The following SLC36A1 variants were observed in gnomAD, a reference collection of about 807,000 sequenced individuals.
SLC36A1 encodes the protein proton-coupled amino acid transporter 1.
In SLC36A1, 30 loss-of-function variants were observed where a neutral mutation model predicts 47.5. The ratio of observed to expected loss-of-function variants is 0.63; its 90% CI spans 0.47 to 0.86. SLC36A1 has a LOEUF of 0.86. Ranked by LOEUF, SLC36A1 falls within the 40% of genes least tolerant of loss-of-function variation. The pLI is 0.00. For synonymous variants in SLC36A1, 255 were observed against 249.7 expected (o/e 1.02, Z -0.20); for missense variants, 517 against 606.0 (o/e 0.85, Z 1.54).
At chr5:151,462,696 CAG>C in intron 2 of SLC36A1, among the ~76,000 whole-genome samples, 1 of 151,188 alleles carries the variant, frequency 6.6e-6, no homozygotes, top group South Asian at 2.1e-4. Flanking sequence ...CTAAATGTAT[CAG>C]GGACTTCTGG....
chr5:151,387,224 T>G, the SLC36A1 span: 3 of 152,280 alleles, frequency 2.0e-5, no homozygotes, highest in African/African-American at 7.2e-5. Context: ...CTCAACAGAC[T>G]GGTACAACCT....
chr5:151,428,425 T>C, the SLC36A1 span, among the ~76,000 whole-genome samples: 24 of 152,004 alleles, frequency 1.6e-4, no homozygotes, highest in African/African-American at 5.6e-4. Flanking sequence ...CCCAACTCAT[T>C]CCCCTGGCTG....
At chr5:151,397,838 C>T in the SLC36A1 span, among the ~76,000 whole-genome samples, 13 of 150,576 alleles carry the variant, frequency 8.6e-5, no homozygotes, top group Admixed American at 1.3e-4. Flanking sequence ...TACATGTGGC[C>T]GGGCACAGTG....
downstream of SLC36A1, among the ~76,000 whole-genome samples, chr5:151,494,564 G>C (rs1760286007): frequency 6.6e-6 from 1 of 152,156 alleles, no homozygotes; most frequent in Non-Finnish European, 1.5e-5. Flanking sequence ...GTAGCCCTTT[G>C]TGTCTGGTTT....
chr5:151,382,160 GGCTTTGGT>G, the SLC36A1 span: 1 of 971,566 alleles, frequency 1.0e-6, no homozygotes, highest in Non-Finnish European at 1.7e-6. Context: ...CTGAATTGAA[GGCTTTGGT>G]GTGCATGGCA....
At chr5:151,392,021 C>A in the SLC36A1 span, among the ~76,000 whole-genome samples, 6 of 152,148 alleles carry the variant, frequency 3.9e-5, no homozygotes, top group Non-Finnish European at 8.8e-5. Flanking sequence ...AGCTGTGAAT[C>A]GGTCTGGTCC....
the SLC36A1 span, among the ~76,000 whole-genome samples, chr5:151,347,081 G>A: frequency 6.6e-6 from 1 of 152,192 alleles, no homozygotes; most frequent in African/African-American, 2.4e-5. Context: ...TTCCCCACCT[G>A]TGCCTTTTGG....
At chr5:151,379,038 G>C in the SLC36A1 span, among the ~76,000 whole-genome samples, 6 of 152,196 alleles carry the variant, frequency 3.9e-5, no homozygotes, top group African/African-American at 1.2e-4. Context: ...CAAAGCCCAA[G>C]CCCTGGAAAT....
the SLC36A1 span, among the ~76,000 whole-genome samples, chr5:151,401,189 T>G: frequency 6.6e-6 from 1 of 152,214 alleles, no homozygotes; most frequent in African/African-American, 2.4e-5. Context: ...TGGAGTTAAT[T>G]TTTGTATATA....
the SLC36A1 span, chr5:151,545,726 C>A: frequency 3.1e-6 from 5 of 1,614,024 alleles, no homozygotes; most frequent in Non-Finnish European, 4.2e-6. Context: ...ATTTTATAGA[C>A]CAACAAGGAA....
the SLC36A1 span, among the ~76,000 whole-genome samples, chr5:151,420,885 T>C: frequency 6.6e-6 from 1 of 151,804 alleles, no homozygotes; most frequent in Admixed American, 6.6e-5. Flanking sequence ...TTTCTTTTTT[T>C]TTTTTGACAG....
chr5:151,487,153 C>T (rs1759673224), intron 10 of SLC36A1, among the ~76,000 whole-genome samples: 1 of 152,220 alleles, frequency 6.6e-6, no homozygotes, highest in Admixed American at 6.5e-5. Flanking sequence ...GAAACACTGG[C>T]CTTTGCCCAC....
At chr5:151,539,716 A>T in the SLC36A1 span, among the ~76,000 whole-genome samples, 13 of 152,338 alleles carry the variant, frequency 8.5e-5, no homozygotes, top group South Asian at 1.4e-3. Context: ...ACTGTGTTTT[A>T]AAAAATATGT....
the SLC36A1 span, chr5:151,505,845 G>C: frequency 1.2e-6 from 2 of 1,612,486 alleles, no homozygotes. Context: ...CCGGGGACTA[G>C]GGGGCCGAGA....
chr5:151,552,961 G>A, the SLC36A1 span, among the ~76,000 whole-genome samples: 776 of 152,334 alleles, frequency 5.1e-3, 7 homozygotes, highest in African/African-American at 0.018. Flanking sequence ...GTTAGAGATC[G>A]TGGCTGGAGT....
the SLC36A1 span, among the ~76,000 whole-genome samples, chr5:151,389,757 CATAGTATGCCATGGTGT>C: frequency 6.6e-6 from 1 of 151,930 alleles, no homozygotes; most frequent in African/African-American, 2.4e-5. Flanking sequence ...TTTATGGCTG[CATAGTATGCCATGGTGT>C]ATATGTGCCA....
the SLC36A1 span, chr5:151,542,933 G>T: frequency 1.9e-6 from 3 of 1,614,198 alleles, no homozygotes; most frequent in Non-Finnish European, 2.5e-6. Flanking sequence ...TTGCTCTCAG[G>T]TGTAGTGCCC....
rs1756426607 is a variant in SLC36A1 at position 151,466,653 on chromosome 5, A to G, written c.420-546A>G. ...TGGTTGGTTCTTATATCCAAGTTAT[A>G]GAGACAGTGAAGGGGACTATTTCCT... is the stretch of plus-strand genomic sequence containing the variant. On this transcript the variant is annotated intron_variant, in intron 5 of 10. Transcript: ENST00000243389. 2.6e-5 allele frequency among the ~76,000 whole-genome samples: 4 copies of G among 152,200 alleles called. No individual in the cohort carries two copies. In the South Asian group the frequency reaches 8.3e-4, roughly 31 times the overall value.
chr5:151,423,901 G>A, the SLC36A1 span, among the ~76,000 whole-genome samples: 58 of 152,126 alleles, frequency 3.8e-4, no homozygotes, highest in Non-Finnish European at 5.6e-4. Flanking sequence ...AGGGTATATG[G>A]GAAATCTCTG....
Sources: gnomAD v4.1 joint callset for allele counts (sites outside exome capture counted in the v4.1 genomes callset) on GRCh38, gnomAD v4.1.1 for gene constraint, MANE v1.5 for transcripts, NCBI Gene and HGNC (gene_info 2026-07-23, HGNC 2026-07-21) for gene names.